Variants in PTPRD observed in about 807,000 individuals in gnomAD.
PTPRD encodes receptor-type tyrosine-protein phosphatase delta.
In PTPRD, 34 loss-of-function variants were observed where a neutral mutation model predicts 214.5. The observed-to-expected ratio is 0.16, with a 90% confidence interval of 0.12 to 0.21. PTPRD has a LOEUF of 0.21. PTPRD is among the 10% of genes least tolerant of loss of function. PTPRD has a pLI of 1.00. For missense variants in PTPRD, 2,545 were observed against 2,398.7 expected, an observed-to-expected ratio of 1.06 and a Z score of -1.27; for synonymous variants, 1,128 against 845.7, an observed-to-expected ratio of 1.33 and a Z score of -5.79.
At chr9:10,015,162 G>C (rs2096677240) in intron 4 of PTPRD, among the ~76,000 whole-genome samples, 1 of 152,046 alleles carries the variant, frequency 6.6e-6, no homozygotes, top group African/African-American at 2.4e-5. Context: ...AGGCTTAATG[G>C]CTTGGGAAAT....
rs756357016 is a variant in PTPRD, at chr9:10,203,393, A to G, written c.-545+137570T>C. On this transcript the variant is annotated intron_variant, in intron 3 of 45. Coordinates refer to ENST00000381196, the MANE Select transcript of PTPRD (RefSeq NM_002839.4). Reference sequence around the variant, plus strand: ...AGCTGTTAGAGGTATTTTATACTACAGTTTGTCAGCTTTGGCTACCCCCCA... The same window carrying G: ...AGCTGTTAGAGGTATTTTATACTACGGTTTGTCAGCTTTGGCTACCCCCCA... 3.3e-5 allele frequency among the ~76,000 whole-genome samples: 5 copies of G among 152,144 alleles called. No homozygotes were observed. In the South Asian group the frequency reaches 1.0e-3, roughly 32 times the overall value.
At position 8,997,467 on chromosome 9, in the gene PTPRD, T is replaced by C. The variant is rs552803169; in HGVS notation, c.-104+21230A>G. The stretch of plus-strand genomic sequence containing the variant: ...TGATGTTACTCTTGTTATCTAGTTG[T>C]TGTGGGGCACCACAAACCAAGTTCA... On this transcript the variant is annotated intron_variant, in intron 11 of 45. Coordinates refer to ENST00000381196, the MANE Select transcript of PTPRD (RefSeq NM_002839.4). 3.8e-3 allele frequency among the ~76,000 whole-genome samples: 576 copies of C among 152,210 alleles called. 6 individuals carry two copies. The highest frequency in any genetic ancestry group is 0.013 in the African/African-American group (553 of 41,550).
intron 2 of PTPRD, 76 bp downstream of exon 2, chr9:10,612,322 T>C (rs986463359): frequency 6.6e-5 from 10 of 152,088 alleles, no homozygotes; most frequent in African/African-American, 2.4e-4. Context: ...TCCACAGCAT[T>C]GGACATTGGG....
At chr9:9,835,479 G>A (rs2056478671) in intron 5 of PTPRD, among the ~76,000 whole-genome samples, 1 of 152,078 alleles carries the variant, frequency 6.6e-6, no homozygotes, top group Non-Finnish European at 1.5e-5. Context: ...ACATTGTATT[G>A]TTGGCACACT....
At chr9:10,017,864 C>G (rs755748132) in intron 4 of PTPRD, among the ~76,000 whole-genome samples, 2 of 151,902 alleles carry the variant, frequency 1.3e-5, no homozygotes, top group Non-Finnish European at 2.9e-5. Flanking sequence ...AAAATTGTAA[C>G]CAACACTCAA....
At chr9:10,585,311 T>C (rs981785198) in intron 2 of PTPRD, among the ~76,000 whole-genome samples, 1 of 152,116 alleles carries the variant, frequency 6.6e-6, no homozygotes, top group Non-Finnish European at 1.5e-5. Flanking sequence ...AATTCTCCCA[T>C]TGATGAAAGC....
chr9:8,612,739 T>G (rs1274207056), intron 14 of PTPRD, among the ~76,000 whole-genome samples: 2 of 152,202 alleles, frequency 1.3e-5, no homozygotes, highest in Admixed American at 6.5e-5. Context: ...ACCCTGAGGC[T>G]GGTGGGACCA....
At chr9:10,588,201 A>G (rs1269562719) in intron 2 of PTPRD, among the ~76,000 whole-genome samples, 5 of 152,206 alleles carry the variant, frequency 3.3e-5, no homozygotes, top group East Asian at 1.9e-4. Flanking sequence ...AGAGATGTCA[A>G]TGACAAATTA....
At chr9:8,632,250 A>G (rs1390136540) in intron 14 of PTPRD, among the ~76,000 whole-genome samples, 1 of 151,822 alleles carries the variant, frequency 6.6e-6, no homozygotes, top group African/African-American at 2.4e-5. Flanking sequence ...CAATATCAAT[A>G]GGGCTTACCT....
chr9:10,174,965 G>C lies in PTPRD; in HGVS notation c.-544-141175C>G, dbSNP rs190444552. Among the ~76,000 whole-genome samples, 16 of 152,120 alleles carry C rather than the reference G, an allele frequency of 1.1e-4. No homozygotes were observed. The East Asian group carries it at 2.5e-3, about 24-fold the overall frequency. Reference sequence around the variant, plus strand: ...ATGCTTGAAATTACTTGAGAAAATAGCTAGCTTGAGATTGTCTATTATTAA... The same window carrying C: ...ATGCTTGAAATTACTTGAGAAAATACCTAGCTTGAGATTGTCTATTATTAA... On this transcript the variant is annotated intron_variant, in intron 3 of 45. Coordinates refer to ENST00000381196, the MANE Select transcript of PTPRD (RefSeq NM_002839.4).
intron 43 of PTPRD, among the ~76,000 whole-genome samples, chr9:8,337,155 T>G (rs1300645037): frequency 6.6e-6 from 1 of 152,226 alleles, no homozygotes; most frequent in Non-Finnish European, 1.5e-5. Context: ...ACACGTATGT[T>G]TATTGTGGCA....
In PTPRD at chr9:9,959,065, C is replaced by A. The variant is rs188108106; in HGVS notation, c.-471-20455G>T. Among the ~76,000 whole-genome samples, 5 of 152,258 alleles carry A rather than the reference C, an allele frequency of 3.3e-5. No individual in the cohort carries two copies. In the East Asian group the frequency reaches 5.8e-4, roughly 18 times the overall value. ...ACCTTCCTGCAAAAGTTTACAGCAG[C>A]TTTATTCATAATTTCCCAAAACTGG... On this transcript the variant is annotated intron_variant, in intron 4 of 45. Transcript: ENST00000381196.
At chr9:10,143,791 A>T (rs2099004103) in intron 3 of PTPRD, among the ~76,000 whole-genome samples, 1 of 152,124 alleles carries the variant, frequency 6.6e-6, no homozygotes, top group East Asian at 1.9e-4. Context: ...TCCTAAGCAA[A>T]CTAACACAGA....
At chr9:10,168,010 C>A (rs1244614509) in intron 3 of PTPRD, among the ~76,000 whole-genome samples, 1 of 152,112 alleles carries the variant, frequency 6.6e-6, no homozygotes, top group African/African-American at 2.4e-5. Context: ...TGACCATTAT[C>A]CTTGGAAGTG....
chr9:9,515,926 T>A (rs898419084), intron 8 of PTPRD, among the ~76,000 whole-genome samples: 5 of 152,086 alleles, frequency 3.3e-5, no homozygotes, highest in African/African-American at 2.4e-5. Flanking sequence ...CTAACTGACA[T>A]GAGAATATTT....
At chr9:8,947,077 A>C (rs1296640028) in intron 11 of PTPRD, among the ~76,000 whole-genome samples, 6 of 73,548 alleles carry the variant, frequency 8.2e-5, no homozygotes, top group Admixed American at 1.6e-4. Flanking sequence ...GGTTTTATTT[A>C]TCTCTTACTC....
At chr9:8,712,680 G>A (rs1229407728) in intron 12 of PTPRD, among the ~76,000 whole-genome samples, 1 of 145,890 alleles carries the variant, frequency 6.9e-6, no homozygotes, top group Admixed American at 7.3e-5. Context: ...GTCTTTTCAT[G>A]TTAATAAAAT....
chr9:9,945,504 A>G (rs895374019), intron 4 of PTPRD, among the ~76,000 whole-genome samples: 1 of 152,178 alleles, frequency 6.6e-6, no homozygotes, highest in Non-Finnish European at 1.5e-5. Context: ...GTGGGGTCCC[A>G]GAAGCCAACC....
chr9:9,730,627 T>C lies in PTPRD; in HGVS notation c.-287+3906A>G, dbSNP rs147806617. Among the ~76,000 whole-genome samples, 204 of 152,192 alleles carry C rather than the reference T, an allele frequency of 1.3e-3. 1 individual carries two copies. The highest frequency in any genetic ancestry group is 4.6e-3 in the African/African-American group (190 of 41,566). On this transcript the variant is annotated intron_variant, in intron 7 of 45. Coordinates refer to ENST00000381196, the MANE Select transcript of PTPRD (RefSeq NM_002839.4). ...AGATCAGGGTTACTACTCAAATATA[T>C]GTAGAATTGGGTTTTATTAAAAACT...
Sources: allele counts gnomAD v4.1 joint callset (sites outside exome capture counted in the v4.1 genomes callset), GRCh38; gene constraint gnomAD v4.1.1; transcripts MANE v1.5; gene names NCBI Gene and HGNC (gene_info 2026-07-23, HGNC 2026-07-21).